The following ABLIM2 variants were observed in gnomAD, a reference collection of about 807,000 sequenced individuals.
ABLIM2 encodes actin-binding LIM protein 2.
Under a neutral mutation model 97.7 loss-of-function variants are expected in ABLIM2, and 53 were observed. The observed-to-expected ratio is 0.54, with a 90% confidence interval of 0.44 to 0.68. The LOEUF (loss-of-function observed/expected upper bound fraction) is 0.68, where lower values mean the gene tolerates loss of function less well. Ranked by LOEUF, ABLIM2 falls within the 30% of genes least tolerant of loss-of-function variation. The pLI, the probability that ABLIM2 is intolerant of heterozygous loss-of-function variation, is 0.00. For missense variants in ABLIM2, 835 were observed against 867.2 expected (o/e 0.96, Z 0.47); for synonymous variants, 361 against 345.8 (o/e 1.04, Z -0.49).
At chr4:8,091,336 A>AT (rs1561324997) in intron 3 of ABLIM2, among the ~76,000 whole-genome samples, 1 of 27,996 alleles carries the variant, frequency 3.6e-5, no homozygotes, top group Non-Finnish European at 6.4e-5. Context: ...TATATTATAT[A>AT]TATAATATAT....
At chr4:8,036,752 C>T (rs1196452681) in intron 9 of ABLIM2, among the ~76,000 whole-genome samples, 4 of 152,204 alleles carry the variant, frequency 2.6e-5, no homozygotes, top group Non-Finnish European at 5.9e-5. Context: ...TGTGATGTAC[C>T]TGGCATGGGG....
In ABLIM2 at chr4:8,071,115, AC is replaced by A. The variant is rs1281837124; in HGVS notation, c.675+6512del. ...CAGCCCTGGTCTAGAGGCTGGTCAC[AC>A]CGCTGTCCCCGTGGATTCGCCAGCT... On this transcript the variant is annotated intron_variant, in intron 6 of 20. Transcript: ENST00000447017. This position sits in a 1 kb window ranked among gnomAD's most constrained non-coding sequence, Gnocchi z 6.2. Among the ~76,000 whole-genome samples the A allele has an allele frequency of 6.6e-6, 1 of 152,112 alleles. No individual in the cohort carries two copies. Among genetic ancestry groups the A allele is most frequent in the Non-Finnish European group, 1.5e-5 (1 of 67,984 alleles).
rs984068930 is a variant in ABLIM2 at position 7,998,704 on chromosome 4, A to G, written c.1619-5777T>C. ...GGCTGGGAGTCTGCAGGTCTGGGCC[A>G]CCTCCTGCCACTGCATGGGAGGCTG... On this transcript the variant is annotated intron_variant, in intron 16 of 20. Transcript: ENST00000447017. The surrounding 1 kb of genome is among the most constrained non-coding windows in gnomAD (Gnocchi z 6.4). 1 of 477,686 alleles carries G rather than the reference A, an allele frequency of 2.1e-6. No individual in the cohort carries two copies. The highest frequency in any genetic ancestry group is 2.2e-5 in the African/African-American group (1 of 46,352). 29.6% of individuals were successfully genotyped at this position (477,686 alleles called of 1,614,324 possible).
chr4:8,084,865 A>G (rs1222343460), intron 4 of ABLIM2, among the ~76,000 whole-genome samples: 1 of 152,184 alleles, frequency 6.6e-6, no homozygotes, highest in Non-Finnish European at 1.5e-5. Context: ...TGCAGGGTCC[A>G]CCCAGGGTAT....
At chr4:7,985,838 T>A (rs528058773) in intron 17 of ABLIM2, among the ~76,000 whole-genome samples, 2 of 152,224 alleles carry the variant, frequency 1.3e-5, no homozygotes, top group East Asian at 3.9e-4. Context: ...ACGCTTTCCC[T>A]TCTGTCCACC....
At chr4:8,018,410 T>A (rs893552363) in intron 14 of ABLIM2, among the ~76,000 whole-genome samples, 3 of 152,146 alleles carry the variant, frequency 2.0e-5, no homozygotes, top group Non-Finnish European at 4.4e-5. Flanking sequence ...AGGGAACTGG[T>A]CTGGACAATT....
intron 16 of ABLIM2, 103 bp from the exon 17 acceptor site, chr4:7,993,030 A>T: frequency 8.1e-7 from 1 of 1,230,104 alleles, no homozygotes; most frequent in Non-Finnish European, 1.2e-6. Context: ...AGGCTGGGCA[A>T]GCAACACAGG....
At chr4:7,995,896 T>C (rs1175515529) in intron 16 of ABLIM2, among the ~76,000 whole-genome samples, 1 of 152,082 alleles carries the variant, frequency 6.6e-6, no homozygotes. Context: ...GCTCTTCTCA[T>C]GTCACAGAAG....
rs1233728445 is a variant in ABLIM2 at position 8,043,999 on chromosome 4, C to T, written c.900+1165G>A. ...ATCCCAAGCGCCACAGTGCCACTCA[C>T]TCTCCAGGCCAGCAGTGCGTCATGG... On this transcript the variant is annotated intron_variant, in intron 9 of 20. Transcript: ENST00000447017. The surrounding 1 kb of genome is among the most constrained non-coding windows in gnomAD (Gnocchi z 4.8). 6.6e-6 allele frequency among the ~76,000 whole-genome samples: 1 copy of T among 152,214 alleles called. No homozygotes were observed. The highest frequency in any genetic ancestry group is 1.5e-5 in the Non-Finnish European group (1 of 68,032).
intron 1 of ABLIM2, among the ~76,000 whole-genome samples, chr4:8,153,528 G>C (rs556871953): frequency 6.6e-6 from 1 of 152,304 alleles, no homozygotes; most frequent in African/African-American, 2.4e-5. Flanking sequence ...GGTCAGGGGG[G>C]TCTGGCTTCT....
intron 1 of ABLIM2, among the ~76,000 whole-genome samples, chr4:8,142,974 C>T (rs1429037734): frequency 6.6e-6 from 1 of 152,154 alleles, no homozygotes; most frequent in East Asian, 1.9e-4. Flanking sequence ...GGACCTGTTC[C>T]CTGAACACTC....
Position 7,975,934 on chromosome 4 carries a change from A to C in ABLIM2, c.1824+7330T>G, listed in dbSNP as rs552997600. On this transcript the variant is annotated intron_variant, in intron 20 of 20. Transcript: ENST00000447017. ...ATCACGCTAACAATGTCTTTTTCTT[A>C]AACATATGTCCCACGAAGAACCATG... 4.6e-5 allele frequency among the ~76,000 whole-genome samples: 7 copies of C among 152,292 alleles called. No homozygotes were observed. The South Asian group carries it at 6.2e-4, about 14-fold the overall frequency.
In ABLIM2 at chr4:8,149,406, C is replaced by A. The variant is rs1711807451; in HGVS notation, c.10+9274G>T. Among the ~76,000 whole-genome samples, 1 of 152,050 alleles carries A rather than the reference C, an allele frequency of 6.6e-6. No homozygotes were observed. Among genetic ancestry groups the A allele is most frequent in the African/African-American group, 2.4e-5 (1 of 41,408 alleles). ...CAACACCATCCAAGAGGAGGTATTT[C>A]AGAGAGGGCAGGTCCCAGCTCCAGG... On this transcript the variant is annotated intron_variant, in intron 1 of 20. Transcript: ENST00000447017. This position sits in a 1 kb window ranked among gnomAD's most constrained non-coding sequence, Gnocchi z 6.4.
intron 12 of ABLIM2, among the ~76,000 whole-genome samples, chr4:8,026,945 G>T (rs1169391642): frequency 1.3e-5 from 2 of 150,834 alleles, no homozygotes; most frequent in Non-Finnish European, 3.0e-5. Flanking sequence ...CCTTTTACCT[G>T]AGTGTGTGTG....
intron 9 of ABLIM2, 109 bp downstream of exon 9, chr4:8,045,055 A>G (rs1791413281): frequency 1.0e-6 from 1 of 975,260 alleles, no homozygotes. Flanking sequence ...CAGGCCCCAG[A>G]TGATAGTTCT....
At chr4:8,063,574 G>C (rs573808060) in intron 6 of ABLIM2, among the ~76,000 whole-genome samples, 1 of 152,348 alleles carries the variant, frequency 6.6e-6, no homozygotes, top group African/African-American at 2.4e-5. Flanking sequence ...AGGTGGTAGA[G>C]CTGCGGTTAC....
chr4:7,975,217 C>CA (rs542476170), intron 20 of ABLIM2, among the ~76,000 whole-genome samples: 4 of 151,404 alleles, frequency 2.6e-5, no homozygotes, highest in South Asian at 4.2e-4. Flanking sequence ...GACCCTGTCT[C>CA]AAAAAAAAAT....
At chr4:8,024,699 C>T (rs1371407658) in intron 12 of ABLIM2, among the ~76,000 whole-genome samples, 5 of 152,288 alleles carry the variant, frequency 3.3e-5, no homozygotes, top group South Asian at 2.1e-4. Flanking sequence ...AATTTGTGAA[C>T]GGGACCCCGG....
chr4:8,081,800 C>T (rs149827433), intron 4 of ABLIM2, among the ~76,000 whole-genome samples: 2 of 152,132 alleles, frequency 1.3e-5, no homozygotes, highest in African/African-American at 2.4e-5. Context: ...AAGGTGAACA[C>T]CTGGTGACAA....
Sources: gnomAD v4.1 joint callset for allele counts (sites outside exome capture counted in the v4.1 genomes callset) on GRCh38, gnomAD v4.1.1 for gene constraint, Gnocchi (gnomAD v3.1) non-coding constraint, MANE v1.5 for transcripts, NCBI Gene and HGNC (gene_info 2026-07-23, HGNC 2026-07-21) for gene names.